Variants in NOS1AP observed in about 807,000 individuals in gnomAD.
NOS1AP encodes the protein nitric oxide synthase 1 adaptor protein, also known as carboxyl-terminal PDZ ligand of neuronal nitric oxide synthase protein.
In NOS1AP, 21 loss-of-function variants were observed where a neutral mutation model predicts 56.2. That is an observed-to-expected ratio of 0.37 (90% CI 0.26 to 0.54). The LOEUF (loss-of-function observed/expected upper bound fraction) is 0.54. Ranked by LOEUF, NOS1AP falls within the 20% of genes least tolerant of loss-of-function variation. The pLI is 0.84. For missense variants in NOS1AP, 522 were observed against 657.8 expected (o/e 0.79, Z 2.26); for synonymous variants, 270 against 274.6 (o/e 0.98, Z 0.17).
At chr1:162,094,805 A>G (rs1377222374) in intron 1 of NOS1AP, among the ~76,000 whole-genome samples, 2 of 152,202 alleles carry the variant, frequency 1.3e-5, no homozygotes, top group Admixed American at 6.5e-5. Context: ...ACCATGGTCC[A>G]GTTGTTGAAG....
At chr1:162,303,904 C>CTTTTTTTTTTTTTTTTTTTT (rs35658165) in intron 4 of NOS1AP, among the ~76,000 whole-genome samples, 1 of 110,724 alleles carries the variant, frequency 9.0e-6, no homozygotes, top group Non-Finnish European at 1.8e-5. Flanking sequence ...TCTGGCTTGT[C>CTTTTTTTTTTTTTTTTTTTT]TTTTTTTTTT....
intron 1 of NOS1AP, among the ~76,000 whole-genome samples, chr1:162,116,929 G>C (rs1028535558): frequency 1.3e-5 from 2 of 152,222 alleles, no homozygotes; most frequent in Middle Eastern, 3.4e-3. Context: ...TTTTTGGGGG[G>C]GCTGGAGGGT....
At chr1:162,223,886 A>C (rs368321895) in intron 2 of NOS1AP, among the ~76,000 whole-genome samples, 7 of 152,242 alleles carry the variant, frequency 4.6e-5, no homozygotes, top group African/African-American at 1.7e-4. Flanking sequence ...ATATATGTGC[A>C]TATGTATGTA....
Position 162,367,372 on chromosome 1 carries a change from C to A in NOS1AP, c.1426C>A (p.Arg476Ser), listed in dbSNP as rs1289554901. 16 of 1,610,066 alleles carry A rather than the reference C, an allele frequency of 9.9e-6. No homozygotes were observed. Among genetic ancestry groups the A allele is most frequent in the Non-Finnish European group, 1.4e-5 (16 of 1,178,374 alleles). The stretch of plus-strand genomic sequence containing the variant: ...GTCCAACACGGACGAGAGCGAGGAG[C>A]GCGACTCGTGGTCCCAGGAGGAGCT... ...YESNTDESEE[R>S]DSWSQEELPR... The change falls in exon 10 of 10, where the codon CGC becomes AGC. Residue 476 changes from arginine (R) to serine (S), a missense_variant. By Grantham distance (110) the Arg-to-Ser change is moderately radical. This residue lies in a region of NOS1AP where 160 missense variants were observed against 180.3 expected (regional missense o/e 0.89). Coordinates refer to ENST00000361897, the MANE Select transcript of NOS1AP (RefSeq NM_014697.3). This position sits in a 1 kb window ranked among gnomAD's most constrained non-coding sequence, Gnocchi z 6.5.
At chr1:162,233,963 A>G (rs1019901870) in intron 2 of NOS1AP, among the ~76,000 whole-genome samples, 1 of 152,248 alleles carries the variant, frequency 6.6e-6, no homozygotes, top group African/African-American at 2.4e-5. Flanking sequence ...CACATGTGGT[A>G]GTAACCTACT....
intron 5 of NOS1AP, among the ~76,000 whole-genome samples, chr1:162,340,884 G>A (rs1657087719): frequency 6.6e-6 from 1 of 152,142 alleles, no homozygotes; most frequent in African/African-American, 2.4e-5. Context: ...AGCCACTTTG[G>A]GCTTATAGAT....
At position 162,369,230 on chromosome 1, in the gene NOS1AP, G is replaced by T. The variant is rs1173105371; in HGVS notation, c.*1763G>T. On this transcript the variant is annotated 3_prime_UTR_variant, in exon 10 of 10. Transcript: ENST00000361897. Reference sequence around the variant, plus strand: ...ATTTGTGTTTTCTAACATGCATTTAGTTGGAGAGGCATGGTTCTGTTTGTT... The same window carrying T: ...ATTTGTGTTTTCTAACATGCATTTATTTGGAGAGGCATGGTTCTGTTTGTT... The T allele has an allele frequency of 6.6e-6, 1 of 152,222 alleles. No homozygotes were observed. Among genetic ancestry groups the T allele is most frequent in the South Asian group, 2.1e-4 (1 of 4,832 alleles). 9.4% of individuals were successfully genotyped at this position (152,222 alleles called of 1,614,324 possible).
chr1:162,202,906 G>A (rs1390008745), intron 2 of NOS1AP, among the ~76,000 whole-genome samples: 3 of 152,098 alleles, frequency 2.0e-5, no homozygotes, highest in African/African-American at 7.2e-5. Context: ...TGGATACAGG[G>A]GCTCAACTGA....
chr1:162,144,250 A>G (rs985923031), intron 1 of NOS1AP, among the ~76,000 whole-genome samples: 8 of 152,198 alleles, frequency 5.3e-5, no homozygotes, highest in African/African-American at 1.7e-4. Context: ...GCTTATGTTC[A>G]TCCTGATTAC....
intron 5 of NOS1AP, among the ~76,000 whole-genome samples, chr1:162,336,316 A>G (rs958301890): frequency 2.0e-5 from 3 of 152,190 alleles, no homozygotes; most frequent in Non-Finnish European, 2.9e-5. Flanking sequence ...TAAAGACTCA[A>G]CAAGTAATGG....
chr1:162,366,543 C>G (rs1658092601), intron 9 of NOS1AP, among the ~76,000 whole-genome samples: 1 of 152,128 alleles, frequency 6.6e-6, no homozygotes, highest in Non-Finnish European at 1.5e-5. Flanking sequence ...CTACTGAGAT[C>G]CTACATCGTT....
intron 1 of NOS1AP, among the ~76,000 whole-genome samples, chr1:162,125,866 A>G (rs1168925569): frequency 3.9e-5 from 6 of 152,068 alleles, no homozygotes; most frequent in Admixed American, 3.9e-4. Context: ...TTTGGGTAGT[A>G]TGGTCATTTT....
At chr1:162,201,756 A>G (rs563370440) in intron 2 of NOS1AP, among the ~76,000 whole-genome samples, 209 of 152,280 alleles carry the variant, frequency 1.4e-3, no homozygotes, top group Middle Eastern at 6.8e-3. Flanking sequence ...TTCTTTTGAA[A>G]AGTGTCTGTT....
chr1:162,365,518 C>A lies in NOS1AP; in HGVS notation c.1054C>A (p.Leu352Met). The A allele has an allele frequency of 1.2e-6, 2 of 1,613,638 alleles. No homozygotes were observed. The highest frequency in any genetic ancestry group is 1.7e-6 in the Non-Finnish European group (2 of 1,180,042). ...GGACATGCTCCAGCACATCTCCCTG[C>A]TGGTCAAGCAGGTGCAAGAGCTGGA... ...NKDMLQHISL[L>M]VKQVQELELK... The change falls in exon 9 of 10, where the codon CTG becomes ATG. Residue 352 changes from leucine (L) to methionine (M), a missense_variant. Physicochemically the swap from Leu to Met is conservative, Grantham distance 15. This residue lies in a region of NOS1AP where 52 missense variants were observed against 94.5 expected (regional missense o/e 0.55). Coordinates refer to ENST00000361897, the MANE Select transcript of NOS1AP (RefSeq NM_014697.3).
At chr1:162,306,614 C>T (rs1655836186) in intron 4 of NOS1AP, among the ~76,000 whole-genome samples, 1 of 152,144 alleles carries the variant, frequency 6.6e-6, no homozygotes, top group Admixed American at 6.5e-5. Context: ...CTCTCCCTCC[C>T]AGTTTTTTGC....
chr1:162,305,111 A>T (rs567464139), intron 4 of NOS1AP, among the ~76,000 whole-genome samples: 2 of 152,164 alleles, frequency 1.3e-5, no homozygotes, highest in Admixed American at 6.5e-5. Flanking sequence ...ACAGAATCAT[A>T]TATTTTTTAA....
chr1:162,099,453 C>T (rs928703653), intron 1 of NOS1AP, among the ~76,000 whole-genome samples: 2 of 152,110 alleles, frequency 1.3e-5, no homozygotes, highest in Non-Finnish European at 2.9e-5. Flanking sequence ...TCCCAATGTG[C>T]TGGGATTATA....
At chr1:162,331,136 T>A (rs1224403089) in intron 4 of NOS1AP, among the ~76,000 whole-genome samples, 1 of 152,164 alleles carries the variant, frequency 6.6e-6, no homozygotes, top group Non-Finnish European at 1.5e-5. Flanking sequence ...TGTAGATTTG[T>A]CCCTTTGATG....
At chr1:162,249,786 G>T (rs763253875) in intron 2 of NOS1AP, among the ~76,000 whole-genome samples, 2 of 152,188 alleles carry the variant, frequency 1.3e-5, no homozygotes, top group Non-Finnish European at 2.9e-5. Flanking sequence ...AGATAATTAT[G>T]CATGAGTGTA....
Sources: gnomAD v4.1 joint callset for allele counts (sites outside exome capture counted in the v4.1 genomes callset) on GRCh38, gnomAD v4.1.1 for gene constraint, gnomAD v4.1.1 regional missense constraint, Gnocchi (gnomAD v3.1) non-coding constraint, MANE v1.5 for transcripts, NCBI Gene and HGNC (gene_info 2026-07-23, HGNC 2026-07-21) for gene names.